AURKB: variants seen among roughly 807,000 people sequenced by gnomAD.
AURKB encodes aurora kinase B.
AURKB carries 28 observed loss-of-function variants against 36.5 expected under a neutral mutation model. That is an observed-to-expected ratio of 0.77 (90% CI 0.57 to 1.05). AURKB has a LOEUF of 1.05. AURKB is among the 50% of genes least tolerant of loss of function. The pLI is 0.00. For synonymous variants in AURKB, 175 were observed against 172.9 expected, an observed-to-expected ratio of 1.01 and a Z score of -0.09; for missense variants, 383 against 447.4, an observed-to-expected ratio of 0.86 and a Z score of 1.30.
Position 8,210,543 on chromosome 17 carries a change from C to A in AURKB, c.-39G>T, listed in dbSNP as rs964350838. The A allele has an allele frequency of 2.8e-5, 12 of 422,094 alleles. No homozygotes were observed. The highest frequency in any genetic ancestry group is 8.4e-5 in the African/African-American group (4 of 47,490). The allele number at this position is 422,094 out of a possible 1,614,324, so 26.1% of individuals were successfully genotyped here. A position where few individuals can be genotyped will look rare whatever the true frequency, so the allele number is the denominator to read the frequency against. ...AGGCCAGCTCACCTGGGGTCCAAGG[C>A]ACTGCTACTCTCCCGGCCGCCCGCA... is the stretch of plus-strand genomic sequence containing the variant. On this transcript the variant is annotated 5_prime_UTR_variant, in exon 1 of 9. Transcript: ENST00000585124.
chr17:8,210,512 G>A lies in AURKB; in HGVS notation c.-26+18C>T, dbSNP rs912176334. ...TGCCCACTCCCGGCGCAAGGCCTGC[G>A]ACAGGAGGCCAGCTCACCTGGGGTC... is the stretch of plus-strand genomic sequence containing the variant. On this transcript the variant is annotated intron_variant, in intron 1 of 8. Transcript: ENST00000585124. 2 of 480,776 alleles carry A rather than the reference G, an allele frequency of 4.2e-6. No homozygotes were observed. The highest frequency in any genetic ancestry group is 7.3e-6 in the Non-Finnish European group (2 of 272,400). The allele number at this position is 480,776 out of a possible 1,614,324, so 29.8% of individuals were successfully genotyped here. A position where few individuals can be genotyped will look rare whatever the true frequency, so the allele number is the denominator to read the frequency against.
intron 2 of AURKB, among the ~76,000 whole-genome samples, chr17:8,209,490 G>A (rs919849365): frequency 6.6e-6 from 1 of 152,196 alleles, no homozygotes; most frequent in African/African-American, 2.4e-5. Flanking sequence ...CAAAAACAGG[G>A]AGCAAAGCCT....
At chr17:8,209,946 G>A in intron 2 of AURKB, 2 of 612,478 alleles carry the variant, frequency 3.3e-6, no homozygotes, top group South Asian at 1.9e-5. Flanking sequence ...CCCTGCAGAG[G>A]TCCTCACCAG....
chr17:8,204,765 A>G lies in AURKB; in HGVS notation c.*106T>C. 6.8e-7 allele frequency: 1 copy of G among 1,462,130 alleles called. No individual in the cohort carries two copies. The highest frequency in any genetic ancestry group is 9.4e-7 in the Non-Finnish European group (1 of 1,068,898). 90.6% of individuals were successfully genotyped at this position (1,462,130 alleles called of 1,614,324 possible). A position where few individuals can be genotyped will look rare whatever the true frequency, so the allele number is the denominator to read the frequency against. On this transcript the variant is annotated 3_prime_UTR_variant, in exon 9 of 9. Transcript: ENST00000585124. ...CAAAAAGCTTCAGCCTTTATTAAAC[A>G]AAGGAGGAGGTAGAAAACAGATAAG...
chr17:8,205,394 G>A lies in AURKB; in HGVS notation c.687-4C>T, dbSNP rs1985109093. The A allele has an allele frequency of 6.2e-7, 1 of 1,613,816 alleles. No homozygotes were observed. The highest frequency in any genetic ancestry group is 8.5e-7 in the Non-Finnish European group (1 of 1,179,848). On this transcript the variant is annotated splice_polypyrimidine_tract_variant and splice_region_variant and intron_variant, in intron 7 of 8. Coordinates refer to ENST00000585124, the MANE Select transcript of AURKB (RefSeq NM_004217.4). ...GGTGCCACACATTGTCTTCCTCCTG[G>A]GAGGGATAAGGGGCGTGGGCAGGGG...
At chr17:8,207,952 C>A in intron 2 of AURKB, 112 bp from the exon 3 acceptor site, 1 of 800,684 alleles carries the variant, frequency 1.2e-6, no homozygotes. Context: ...CCCACCTACC[C>A]CCAATTCAAA....
chr17:8,205,208 C>T lies in AURKB; in HGVS notation c.861+8G>A. 6.2e-7 allele frequency: 1 copy of T among 1,608,666 alleles called. No homozygotes were observed. Among genetic ancestry groups the T allele is most frequent in the Non-Finnish European group, 8.5e-7 (1 of 1,176,456 alleles). On this transcript the variant is annotated splice_region_variant and intron_variant, in intron 8 of 8. Coordinates refer to ENST00000585124, the MANE Select transcript of AURKB (RefSeq NM_004217.4). ...GCAGCTGGCACGAAGCCCAGGCCGCCCTCCCACCTTGACGATGCGGCGATA... is the reference window on the plus strand; with the variant it reads ...GCAGCTGGCACGAAGCCCAGGCCGCTCTCCCACCTTGACGATGCGGCGATA...
Position 8,205,439 on chromosome 17 carries a change from C to CTCCT in AURKB, c.687-53_687-50dup, listed in dbSNP as rs1985122535. 4 of 1,586,162 alleles carry CTCCT rather than the reference C, an allele frequency of 2.5e-6. No individual in the cohort carries two copies. In the East Asian group the frequency reaches 9.0e-5, roughly 36 times the overall value. On this transcript the variant is annotated intron_variant, in intron 7 of 8. Transcript: ENST00000585124. Reference sequence around the variant, plus strand: ...CAGGGGTCCTAGTGACATAGGAACTCTCCTTTCCCTGCTGCCTGACGGCTG... The same window carrying CTCCT: ...CAGGGGTCCTAGTGACATAGGAACTCTCCTTCCTTTCCCTGCTGCCTGACGGCTG...
Position 8,205,198 on chromosome 17 carries a change from C to A in AURKB, c.861+18G>T. 1 of 1,602,394 alleles carries A rather than the reference C, an allele frequency of 6.2e-7. No homozygotes were observed. Among genetic ancestry groups the A allele is most frequent in the Non-Finnish European group, 8.5e-7 (1 of 1,173,056 alleles). On this transcript the variant is annotated intron_variant, in intron 8 of 8. Coordinates refer to ENST00000585124, the MANE Select transcript of AURKB (RefSeq NM_004217.4). ...CCTGGCTTCAGCAGCTGGCACGAAG[C>A]CCAGGCCGCCCTCCCACCTTGACGA...
chr17:8,207,412 A>G (rs368006989), intron 4 of AURKB, 45 bp from the exon 5 acceptor site: 29 of 1,596,910 alleles, frequency 1.8e-5, no homozygotes, highest in Middle Eastern at 1.7e-4. Flanking sequence ...GGTTTTGGTT[A>G]TTAAGAGGTT....
Position 8,205,197 on chromosome 17 carries a change from G to T in AURKB, c.861+19C>A, listed in dbSNP as rs752225399. The T allele has an allele frequency of 1.2e-6, 2 of 1,601,728 alleles. No homozygotes were observed. The highest frequency in any genetic ancestry group is 1.7e-5 in the Admixed American group (1 of 58,724). On this transcript the variant is annotated intron_variant, in intron 8 of 8. Coordinates refer to ENST00000585124, the MANE Select transcript of AURKB (RefSeq NM_004217.4). ...TCCTGGCTTCAGCAGCTGGCACGAA[G>T]CCCAGGCCGCCCTCCCACCTTGACG...
rs1597357924 is a variant in AURKB, at chr17:8,210,528, A to T, written c.-26+2T>A. The T allele has an allele frequency of 8.7e-6, 4 of 459,286 alleles. No individual in the cohort carries two copies. The South Asian group carries it at 1.1e-4, about 12-fold the overall frequency. The allele number at this position is 459,286 out of a possible 1,614,324, so 28.5% of individuals were successfully genotyped here. On this transcript the variant is annotated splice_donor_variant, in intron 1 of 8. Transcript: ENST00000585124. LOFTEE classifies it low-confidence loss of function (5UTR_SPLICE). ...AAGGCCTGCGACAGGAGGCCAGCTCACCTGGGGTCCAAGGCACTGCTACTC... is the reference window on the plus strand; with the variant it reads ...AAGGCCTGCGACAGGAGGCCAGCTCTCCTGGGGTCCAAGGCACTGCTACTC...
chr17:8,210,483 C>T (rs924684106), intron 1 of AURKB, 47 bp downstream of exon 1: 1 of 518,748 alleles, frequency 1.9e-6, no homozygotes, highest in African/African-American at 2.0e-5. Flanking sequence ...TCTACCTGAT[C>T]ATCTGCCCAC....
Position 8,206,276 on chromosome 17 carries a change from G to A in AURKB, c.686+215C>T, listed in dbSNP as rs1409856458. ...CTCCCCAGTAGCTGGGATTACTGGC[G>A]TCCGCCACCATGGCCGGCTAATTTT... On this transcript the variant is annotated intron_variant, in intron 7 of 8. Coordinates refer to ENST00000585124, the MANE Select transcript of AURKB (RefSeq NM_004217.4). This position sits in a 1 kb window ranked among gnomAD's most constrained non-coding sequence, Gnocchi z 4.2. 2.0e-5 allele frequency among the ~76,000 whole-genome samples: 3 copies of A among 151,834 alleles called. No homozygotes were observed. The highest frequency in any genetic ancestry group is 2.9e-5 in the Non-Finnish European group (2 of 67,986).
At chr17:8,205,440 T>A (rs1426681739) in intron 7 of AURKB, 50 bp from the exon 8 acceptor site, 2 of 1,585,884 alleles carry the variant, frequency 1.3e-6, no homozygotes, top group Non-Finnish European at 1.7e-6. Flanking sequence ...ATAGGAACTC[T>A]CCTTTCCCTG....
chr17:8,207,718 C>T lies in AURKB; in HGVS notation c.151+20G>A, dbSNP rs1985531361. 1 of 1,613,968 alleles carries T rather than the reference C, an allele frequency of 6.2e-7. No homozygotes were observed. Among genetic ancestry groups the T allele is most frequent in the South Asian group, 1.1e-5 (1 of 91,070 alleles). On this transcript the variant is annotated intron_variant, in intron 3 of 8. Transcript: ENST00000585124. Reference sequence around the variant, plus strand: ...ACGGTCATCTCCCCAGCTCAGTCCTCTCCCCCTTGCGCCAGTTACCTGTGG... The same window carrying T: ...ACGGTCATCTCCCCAGCTCAGTCCTTTCCCCCTTGCGCCAGTTACCTGTGG...
chr17:8,206,413 G>A lies in AURKB; in HGVS notation c.686+78C>T, dbSNP rs779199431. On this transcript the variant is annotated intron_variant, in intron 7 of 8. Transcript: ENST00000585124. This position sits in a 1 kb window ranked among gnomAD's most constrained non-coding sequence, Gnocchi z 4.2. Reference sequence around the variant, plus strand: ...CCCAAAGTGCTGGGATTACAGGTGTGAGCCACGGTGCACGGCCCCTGGAGA... The same window carrying A: ...CCCAAAGTGCTGGGATTACAGGTGTAAGCCACGGTGCACGGCCCCTGGAGA... The A allele has an allele frequency of 1.2e-5, 19 of 1,568,628 alleles. No individual in the cohort carries two copies. Among genetic ancestry groups the A allele is most frequent in the East Asian group, 9.1e-5 (4 of 44,116 alleles).
In AURKB at chr17:8,204,860, G is replaced by A; in HGVS notation, c.*11C>T. The A allele has an allele frequency of 1.2e-6, 2 of 1,612,078 alleles. No homozygotes were observed. The highest frequency in any genetic ancestry group is 1.7e-6 in the Non-Finnish European group (2 of 1,179,494). ...TACAAACACACGCACCCGAGTGAATGACAGGGACCATCAGGCGACAGATTG... is the reference window on the plus strand; with the variant it reads ...TACAAACACACGCACCCGAGTGAATAACAGGGACCATCAGGCGACAGATTG... On this transcript the variant is annotated 3_prime_UTR_variant, in exon 9 of 9. Coordinates refer to ENST00000585124, the MANE Select transcript of AURKB (RefSeq NM_004217.4).
At position 8,206,097 on chromosome 17, in the gene AURKB, C is replaced by A. The variant is rs538538423; in HGVS notation, c.686+394G>T. Among the ~76,000 whole-genome samples the A allele has an allele frequency of 6.7e-6, 1 of 150,330 alleles. No individual in the cohort carries two copies. Among genetic ancestry groups the A allele is most frequent in the African/African-American group, 2.4e-5 (1 of 40,896 alleles). ...TTGGCCCCTACAGGGATCAAACCTG[C>A]GACCTTGGGGTTATTAGCACCACAC... On this transcript the variant is annotated intron_variant, in intron 7 of 8. Transcript: ENST00000585124. The surrounding 1 kb of genome is among the most constrained non-coding windows in gnomAD (Gnocchi z 4.2).
Sources: gnomAD v4.1 joint callset for allele counts (sites outside exome capture counted in the v4.1 genomes callset) on GRCh38, gnomAD v4.1.1 for gene constraint, Gnocchi (gnomAD v3.1) non-coding constraint, MANE v1.5 for transcripts, NCBI Gene and HGNC (gene_info 2026-07-23, HGNC 2026-07-21) for gene names.